Variants in RPS6KC1 observed in about 807,000 individuals in gnomAD.
RPS6KC1 encodes ribosomal protein S6 kinase C1.
A neutral mutation model predicts 103.8 loss-of-function variants in RPS6KC1; 54 were observed. That is an observed-to-expected ratio of 0.52 (90% CI 0.42 to 0.65). The LOEUF (loss-of-function observed/expected upper bound fraction) is 0.65. Among genes scored for constraint, RPS6KC1 ranks in the 30% least tolerant of loss-of-function variants. The pLI is 0.00. For missense variants in RPS6KC1, 1,151 were observed against 1,253.8 expected, an observed-to-expected ratio of 0.92 and a Z score of 1.24; for synonymous variants, 439 against 438.7, an observed-to-expected ratio of 1.00 and a Z score of -0.01.
At chr1:213,343,268 G>A in the RPS6KC1 span, among the ~76,000 whole-genome samples, 1 of 150,666 alleles carries the variant, frequency 6.6e-6, no homozygotes. Context: ...AGGTAGGGAT[G>A]AGGAAACCAA....
chr1:213,262,226 A>G (rs1428983043), intron 13 of RPS6KC1, among the ~76,000 whole-genome samples: 1 of 152,160 alleles, frequency 6.6e-6, no homozygotes, highest in Non-Finnish European at 1.5e-5. Flanking sequence ...ATGAACAGTT[A>G]CACTTTTGTA....
the RPS6KC1 span, among the ~76,000 whole-genome samples, chr1:213,494,182 G>C: frequency 6.6e-6 from 1 of 152,034 alleles, no homozygotes; most frequent in Non-Finnish European, 1.5e-5. Flanking sequence ...CTTGTAGAAA[G>C]GAACTAATGC....
At chr1:213,663,828 G>C in the RPS6KC1 span, among the ~76,000 whole-genome samples, 1 of 152,240 alleles carries the variant, frequency 6.6e-6, no homozygotes, top group East Asian at 1.9e-4. Context: ...TCCCCACTAA[G>C]GGGTGAGAAA....
chr1:213,051,346 G>A lies in RPS6KC1; in HGVS notation c.-59G>A, dbSNP rs937946040. ...GCGTTGGGGAACCTGGACCGCGGCGGCGCCGGGTTTCCCTCATGATCCCGG... is the reference window on the plus strand; with the variant it reads ...GCGTTGGGGAACCTGGACCGCGGCGACGCCGGGTTTCCCTCATGATCCCGG... On this transcript the variant is annotated 5_prime_UTR_variant, in exon 1 of 15. Transcript: ENST00000366960. 2.2e-6 allele frequency: 3 copies of A among 1,359,314 alleles called. No individual in the cohort carries two copies. Among genetic ancestry groups the A allele is most frequent in the Non-Finnish European group, 3.1e-6 (3 of 956,744 alleles). 84.2% of individuals were successfully genotyped at this position (1,359,314 alleles called of 1,614,324 possible).
In RPS6KC1 at chr1:213,071,058, GATTTT is replaced by G. The variant is rs759441943; in HGVS notation, c.141+25_141+29del. On this transcript the variant is annotated intron_variant, in intron 2 of 14. Coordinates refer to ENST00000366960, the MANE Select transcript of RPS6KC1 (RefSeq NM_012424.6). ...GTCCAGGAGGTAACATTTATATGAAGATTTTATTTTATGTATTTGATAAAAATTTA... is the reference window on the plus strand; with the variant it reads ...GTCCAGGAGGTAACATTTATATGAAGATTTTATGTATTTGATAAAAATTTA... 4.6e-5 allele frequency: 68 copies of G among 1,479,368 alleles called. No individual in the cohort carries two copies. In the Middle Eastern group the frequency reaches 5.5e-4, roughly 12 times the overall value. The allele number at this position is 1,479,368 out of a possible 1,614,324, so 91.6% of individuals were successfully genotyped here.
chr1:213,345,095 G>A, the RPS6KC1 span, among the ~76,000 whole-genome samples: 2 of 152,124 alleles, frequency 1.3e-5, no homozygotes, highest in Non-Finnish European at 2.9e-5. Context: ...ATTTGGTTCT[G>A]CAGTGAATAA....
At chr1:213,485,133 T>C in the RPS6KC1 span, among the ~76,000 whole-genome samples, 1 of 152,204 alleles carries the variant, frequency 6.6e-6, no homozygotes, top group Admixed American at 6.5e-5. Context: ...CCCAAAGTGC[T>C]GGGCTTACAA....
the RPS6KC1 span, among the ~76,000 whole-genome samples, chr1:213,290,628 T>C: frequency 1.3e-5 from 2 of 152,156 alleles, no homozygotes; most frequent in Non-Finnish European, 2.9e-5. Context: ...TTGTTTTTGT[T>C]TTTTAGATTT....
At chr1:213,704,115 C>T in the RPS6KC1 span, among the ~76,000 whole-genome samples, 13 of 151,970 alleles carry the variant, frequency 8.6e-5, no homozygotes, top group South Asian at 2.1e-4. Context: ...AGGCCGGGCG[C>T]GGTGGCTCAC....
chr1:213,220,353 G>A (rs1161238336), intron 8 of RPS6KC1, among the ~76,000 whole-genome samples: 1 of 152,114 alleles, frequency 6.6e-6, no homozygotes, highest in Non-Finnish European at 1.5e-5. Flanking sequence ...TTGAAATGGA[G>A]TCTCGCTCTG....
At chr1:213,063,747 G>T (rs2078048784) in intron 1 of RPS6KC1, among the ~76,000 whole-genome samples, 1 of 152,176 alleles carries the variant, frequency 6.6e-6, no homozygotes, top group Non-Finnish European at 1.5e-5. Context: ...ATGTATTAAA[G>T]GGTTTGAAGA....
chr1:213,283,878 TG>T, the RPS6KC1 span, among the ~76,000 whole-genome samples: 2 of 150,752 alleles, frequency 1.3e-5, no homozygotes, highest in South Asian at 4.2e-4. Context: ...AAGTTAGAAA[TG>T]TTTTTTTTTT....
chr1:213,537,510 G>C, the RPS6KC1 span, among the ~76,000 whole-genome samples: 1 of 152,300 alleles, frequency 6.6e-6, no homozygotes, highest in African/African-American at 2.4e-5. Flanking sequence ...TCACAGGTGT[G>C]TTATGAAGAC....
At chr1:213,097,877 C>A (rs1175741931) in intron 3 of RPS6KC1, among the ~76,000 whole-genome samples, 2 of 152,180 alleles carry the variant, frequency 1.3e-5, no homozygotes, top group African/African-American at 2.4e-5. Context: ...TCTTTTGCAG[C>A]TTCTTCACCT....
At chr1:213,341,753 C>G in the RPS6KC1 span, among the ~76,000 whole-genome samples, 1 of 152,200 alleles carries the variant, frequency 6.6e-6, no homozygotes, top group Non-Finnish European at 1.5e-5. Context: ...AATTGAGGCA[C>G]AGGGATGTTA....
At chr1:213,341,152 C>T in the RPS6KC1 span, among the ~76,000 whole-genome samples, 2 of 152,178 alleles carry the variant, frequency 1.3e-5, no homozygotes, top group Admixed American at 6.5e-5. Flanking sequence ...TGCTCATAGA[C>T]CTCTATGCCT....
the RPS6KC1 span, among the ~76,000 whole-genome samples, chr1:213,517,733 T>G: frequency 6.6e-6 from 1 of 152,198 alleles, no homozygotes; most frequent in African/African-American, 2.4e-5. Context: ...GTTCTGTAGA[T>G]GTCTATTAGG....
chr1:213,242,701 C>A (rs774280364), intron 12 of RPS6KC1, 43 bp downstream of exon 12: 2 of 1,358,634 alleles, frequency 1.5e-6, no homozygotes, highest in South Asian at 2.5e-5. Flanking sequence ...AAAAGTGGTT[C>A]GGCAGCTCTC....
the RPS6KC1 span, among the ~76,000 whole-genome samples, chr1:213,744,534 G>C: frequency 8.5e-5 from 13 of 152,170 alleles, no homozygotes; most frequent in African/African-American, 2.9e-4. Flanking sequence ...GGCAAGCCTG[G>C]CTCTGCTATT....
Sources: gnomAD v4.1 joint callset for allele counts (sites outside exome capture counted in the v4.1 genomes callset) on GRCh38, gnomAD v4.1.1 for gene constraint, MANE v1.5 for transcripts, NCBI Gene and HGNC (gene_info 2026-07-23, HGNC 2026-07-21) for gene names.